SHF: variants seen among roughly 807,000 people sequenced by gnomAD.
SHF encodes SH2 domain-containing adapter protein F.
A neutral mutation model predicts 42.4 loss-of-function variants in SHF; 30 were observed. That is an observed-to-expected ratio of 0.71 (90% confidence interval 0.53 to 0.96). The LOEUF (loss-of-function observed/expected upper bound fraction) is 0.96, where lower values mean the gene tolerates loss of function less well. SHF is among the 40% of genes least tolerant of loss of function. The probability of loss-of-function intolerance (pLI) is 0.00; values close to 1 mark genes in which losing one functional copy is unlikely to be tolerated. For synonymous variants in SHF, 264 were observed against 269.9 expected (o/e 0.98, Z 0.21); for missense variants, 598 against 634.0 (o/e 0.94, Z 0.61).
intron 1 of SHF, among the ~76,000 whole-genome samples, chr15:45,180,073 T>C (rs1898046005): frequency 6.6e-6 from 1 of 152,088 alleles, no homozygotes; most frequent in Non-Finnish European, 1.5e-5. Flanking sequence ...ACAACCTCCT[T>C]TGCGTCTCTG....
chr15:45,175,140 G>C lies in SHF; in HGVS notation c.847+79C>G. The C allele has an allele frequency of 2.1e-6, 3 of 1,449,026 alleles. No homozygotes were observed. In the South Asian group the frequency reaches 3.8e-5, roughly 19 times the overall value. The allele number at this position is 1,449,026 out of a possible 1,614,324, so 89.8% of individuals were successfully genotyped here. Reference sequence around the variant, plus strand: ...ATCCTGGGCCTCTCTGGGTTCCTGGGGTCCACTCCTTCCATTCTCTTGAGC... The same window carrying C: ...ATCCTGGGCCTCTCTGGGTTCCTGGCGTCCACTCCTTCCATTCTCTTGAGC... On this transcript the variant is annotated intron_variant, in intron 3 of 6. Transcript: ENST00000690270.
rs1006821125 is a variant in SHF, at chr15:45,187,637, G to A, written c.315C>T (p.Phe105=). 4.9e-6 allele frequency: 6 copies of A among 1,229,304 alleles called. No individual in the cohort carries two copies. In the East Asian group the frequency reaches 1.9e-4, roughly 39 times the overall value. The allele number at this position is 1,229,304 out of a possible 1,614,324, so 76.1% of individuals were successfully genotyped here. ...ACGACCCCCCGGAGTAGGGGTCTTC[G>A]AAGTCGCGCTCCCGCTGCAGCCTGT... ...AAYRLQRERD[F]EDPYSGGSSG... is the part of the protein sequence containing the mutation. The change falls in exon 1 of 7, where the codon TTC becomes TTT. Residue 105 remains phenylalanine, a synonymous_variant. Transcript: ENST00000690270.
intron 4 of SHF, 107 bp downstream of exon 4, chr15:45,173,468 TC>T (rs1897627991): frequency 7.1e-7 from 1 of 1,407,518 alleles, no homozygotes; most frequent in African/African-American, 1.5e-5. Context: ...ATGAGATTCT[TC>T]CTGGGGTCTC....
At chr15:45,171,041 CTGAA>C (rs1897459659) in intron 6 of SHF, 1 of 155,514 alleles carries the variant, frequency 6.4e-6, no homozygotes, top group Non-Finnish European at 1.4e-5. Context: ...TTGGATTTGT[CTGAA>C]TGGGAGGGTA....
chr15:45,187,499 C>T lies in SHF; in HGVS notation c.453G>A (p.Pro151=), dbSNP rs1595638542. The T allele has an allele frequency of 8.1e-7, 1 of 1,232,506 alleles. No homozygotes were observed. The highest frequency in any genetic ancestry group is 1.6e-5 in the African/African-American group (1 of 64,508). 76.3% of individuals were successfully genotyped at this position (1,232,506 alleles called of 1,614,324 possible). The change falls in exon 1 of 7, where the codon CCG becomes CCA. Residue 151 remains proline, a synonymous_variant. Coordinates refer to ENST00000690270, the MANE Select transcript of SHF (RefSeq NM_001394037.1). ...IRVETPGPPA[P]PADERISGPP... ...GTCCGGAGATCCGCTCATCAGCAGG[C>T]GGCGCCGGGGGCCCCGGGGTCTCGA... is the stretch of plus-strand genomic sequence containing the variant.
At chr15:45,184,539 G>T (rs183727658) in intron 1 of SHF, among the ~76,000 whole-genome samples, 23 of 152,294 alleles carry the variant, frequency 1.5e-4, no homozygotes, top group Admixed American at 1.4e-3. Context: ...CTGTCTCATT[G>T]TCCGTGTTAC....
chr15:45,194,390 C>T (rs554124913), intron 2 of SHF, among the ~76,000 whole-genome samples: 71 of 151,786 alleles, frequency 4.7e-4, no homozygotes, highest in Middle Eastern at 3.4e-3. Context: ...CTTGCTCTGT[C>T]GCCCAGGCTG....
At chr15:45,200,572 ATTGT>A (rs761509460) in intron 1 of SHF, 18 of 368,012 alleles carry the variant, frequency 4.9e-5, no homozygotes, top group Non-Finnish European at 4.3e-5. Flanking sequence ...TTGATTTGTC[ATTGT>A]TTGTTCTAGC....
intron 6 of SHF, chr15:45,170,483 C>A (rs1897418336): frequency 7.9e-7 from 1 of 1,265,554 alleles, no homozygotes; most frequent in Admixed American, 2.5e-5. Context: ...AGTATGACAG[C>A]TGGAAAAAAA....
chr15:45,183,732 T>C (rs193016080), intron 1 of SHF, among the ~76,000 whole-genome samples: 35 of 152,344 alleles, frequency 2.3e-4, no homozygotes, highest in African/African-American at 7.7e-4. Flanking sequence ...TGAGTTGTCA[T>C]TGAGTCACTC....
At chr15:45,198,831 A>G in exon 2 of SHF, 1 of 1,613,920 alleles carries the variant, frequency 6.2e-7, no homozygotes, top group Non-Finnish European at 8.5e-7. Flanking sequence ...GTACTCCGCC[A>G]GTTGCTTTTC....
At chr15:45,168,215 C>G in intron 6 of SHF, 82 bp from the exon 7 acceptor site, 1 of 1,354,648 alleles carries the variant, frequency 7.4e-7, no homozygotes, top group South Asian at 1.6e-5. Flanking sequence ...CTCCCCAACC[C>G]TACAGCAAAT....
At position 45,168,067 on chromosome 15, in the gene SHF, C is replaced by A. The variant is rs2141326685; in HGVS notation, c.1347G>T (p.Gln449His). The change falls in exon 7 of 7, where the codon CAG becomes CAT. Residue 449 changes from glutamine to histidine, a missense_variant. This residue lies in a region of SHF where 439 missense variants were observed against 524.6 expected (regional missense o/e 0.84). Coordinates refer to ENST00000690270, the MANE Select transcript of SHF (RefSeq NM_001394037.1). ...RTKEHKYVLG[Q>H]NSPPFSSVPE... Reference sequence around the variant, plus strand: ...GGACGCTGCTGAAGGGCGGGCTGTTCTGGCCCAGCACATATTTGTGTTCCT... The same window carrying A: ...GGACGCTGCTGAAGGGCGGGCTGTTATGGCCCAGCACATATTTGTGTTCCT... 6.2e-7 allele frequency: 1 copy of A among 1,613,182 alleles called. No individual in the cohort carries two copies. The highest frequency in any genetic ancestry group is 1.7e-4 in the Middle Eastern group (1 of 6,060).
Position 45,196,382 on chromosome 15 carries a change from C to T in SHF, c.303+2390G>A, listed in dbSNP as rs191908716. On this transcript the variant is annotated intron_variant, in intron 2 of 7. Coordinates refer to the SHF transcript ENST00000290894. Reference sequence around the variant, plus strand: ...GTGCTGGGATTACAGGCATGAGCCACTGTGCCTGGCTGACTTCCTCTGAAA... The same window carrying T: ...GTGCTGGGATTACAGGCATGAGCCATTGTGCCTGGCTGACTTCCTCTGAAA... 1.4e-4 allele frequency among the ~76,000 whole-genome samples: 21 copies of T among 152,318 alleles called. No homozygotes were observed. The East Asian group carries it at 4.1e-3, about 30-fold the overall frequency.
At chr15:45,180,241 C>T (rs1011014892) in intron 1 of SHF, among the ~76,000 whole-genome samples, 6 of 152,172 alleles carry the variant, frequency 3.9e-5, no homozygotes, top group African/African-American at 7.2e-5. Context: ...TCGCCTATCT[C>T]CCCTTGGAGC....
chr15:45,175,413 G>T lies in SHF; in HGVS notation c.653C>A (p.Ser218Tyr). 1 of 1,583,736 alleles carries T rather than the reference G, an allele frequency of 6.3e-7. No homozygotes were observed. Among genetic ancestry groups the T allele is most frequent in the Non-Finnish European group, 8.6e-7 (1 of 1,164,646 alleles). The stretch of plus-strand genomic sequence containing the variant: ...CAAGGGCTGAGTTGCTGTCTCCTTG[G>T]AGCCCCGGATCTCTGCCGGAGCAGG... ...AQKMMAEIRG[S>Y]KETATQPLPL... The change falls in exon 3 of 7, where the codon TCC becomes TAC. Residue 218 changes from serine (S) to tyrosine (Y), a missense_variant. Ser to Tyr is a moderately radical substitution (Grantham distance 144, BLOSUM62 -2). This residue lies in a region of SHF where 439 missense variants were observed against 524.6 expected (regional missense o/e 0.84). Coordinates refer to ENST00000690270, the MANE Select transcript of SHF (RefSeq NM_001394037.1).
At chr15:45,198,231 G>C (rs1397015973) in intron 2 of SHF, among the ~76,000 whole-genome samples, 4 of 152,058 alleles carry the variant, frequency 2.6e-5, no homozygotes, top group Admixed American at 2.0e-4. Flanking sequence ...CCAAGATCGC[G>C]CCATTGCACT....
chr15:45,177,134 G>A (rs1897855265), intron 2 of SHF, among the ~76,000 whole-genome samples: 1 of 152,190 alleles, frequency 6.6e-6, no homozygotes, highest in African/African-American at 2.4e-5. Context: ...GTCAGTGAAT[G>A]CACACTCTCT....
intron 2 of SHF, 130 bp downstream of exon 2, chr15:45,178,035 T>G: frequency 7.8e-7 from 1 of 1,289,044 alleles, no homozygotes; most frequent in East Asian, 2.4e-5. Context: ...CCATCCTCCC[T>G]AAGGACCTGG....
Sources: gnomAD v4.1 joint callset for allele counts (sites outside exome capture counted in the v4.1 genomes callset) on GRCh38, gnomAD v4.1.1 for gene constraint, gnomAD v4.1.1 regional missense constraint, MANE v1.5 for transcripts, NCBI Gene and HGNC (gene_info 2026-07-23, HGNC 2026-07-21) for gene names.